Variants in GUCY1A2 observed in about 807,000 individuals in gnomAD.
GUCY1A2 encodes guanylate cyclase soluble subunit alpha-2.
Under a neutral mutation model 63.5 loss-of-function variants are expected in GUCY1A2, and 27 were observed. The ratio of observed to expected loss-of-function variants is 0.43; its 90% CI spans 0.31 to 0.59. GUCY1A2 has a LOEUF of 0.59. GUCY1A2 is among the 20% of genes least tolerant of loss of function. The probability of loss-of-function intolerance (pLI) is 0.11; values close to 1 mark genes in which losing one functional copy is unlikely to be tolerated. For missense variants in GUCY1A2, 768 were observed against 913.3 expected, an observed-to-expected ratio of 0.84 and a Z score of 2.05; for synonymous variants, 364 against 343.5, an observed-to-expected ratio of 1.06 and a Z score of -0.66.
Position 106,725,408 on chromosome 11 carries a change from G to A in GUCY1A2, c.1837-16742C>T, listed in dbSNP as rs1165504926. On this transcript the variant is annotated intron_variant, in intron 6 of 7. Coordinates refer to ENST00000526355, the MANE Select transcript of GUCY1A2 (RefSeq NM_000855.3). ...GGGATGGTCTCGATCTCCTGACCTC[G>A]TGATCCGCCCGCCTCGGCCTCCCAA... is the stretch of plus-strand genomic sequence containing the variant. Among the ~76,000 whole-genome samples, 2 of 47,198 alleles carry A rather than the reference G, an allele frequency of 4.2e-5. 1 individual carries two copies. Among genetic ancestry groups the A allele is most frequent in the Non-Finnish European group, 1.0e-4 (2 of 19,812 alleles). 31.0% of individuals were successfully genotyped at this position (47,198 alleles called of 152,430 possible). A position where few individuals can be genotyped will look rare whatever the true frequency, so the allele number is the denominator to read the frequency against.
Position 106,686,493 on chromosome 11 carries a change from C to T in GUCY1A2, c.*1056G>A, listed in dbSNP as rs1862528306. The T allele has an allele frequency of 4.6e-6, 1 of 216,264 alleles. No homozygotes were observed. Among genetic ancestry groups the T allele is most frequent in the African/African-American group, 2.3e-5 (1 of 44,406 alleles). The allele number at this position is 216,264 out of a possible 1,614,324, so 13.4% of individuals were successfully genotyped here. On this transcript the variant is annotated 3_prime_UTR_variant, in exon 8 of 8. Coordinates refer to ENST00000526355, the MANE Select transcript of GUCY1A2 (RefSeq NM_000855.3). ...TCCTGACACTTCTTTGTCACTAATG[C>T]CAGTATCCAGGAATTTGTTCTCAAG...
chr11:106,866,497 G>A (rs767220401), intron 4 of GUCY1A2, among the ~76,000 whole-genome samples: 1 of 152,064 alleles, frequency 6.6e-6, no homozygotes, highest in Non-Finnish European at 1.5e-5. Context: ...GAACTATTCT[G>A]TGCTCAGGCA....
chr11:106,981,923 G>T (rs1258849999), intron 2 of GUCY1A2, among the ~76,000 whole-genome samples: 1 of 152,098 alleles, frequency 6.6e-6, no homozygotes, highest in Admixed American at 6.5e-5. Context: ...AAGTTGAATT[G>T]CAAAAGAGTC....
At chr11:106,841,587 C>A (rs981752550) in intron 4 of GUCY1A2, among the ~76,000 whole-genome samples, 1 of 151,868 alleles carries the variant, frequency 6.6e-6, no homozygotes, top group Non-Finnish European at 1.5e-5. Context: ...GATCATAGTT[C>A]TCTGAGGGAG....
chr11:107,003,266 A>T (rs1861632275), intron 1 of GUCY1A2, among the ~76,000 whole-genome samples: 2 of 152,162 alleles, frequency 1.3e-5, no homozygotes, highest in African/African-American at 4.8e-5. Flanking sequence ...TTCTAAGGCC[A>T]CTAGCAACCT....
intron 1 of GUCY1A2, among the ~76,000 whole-genome samples, chr11:106,990,700 A>T (rs901014884): frequency 1.3e-5 from 2 of 152,246 alleles, no homozygotes; most frequent in African/African-American, 4.8e-5. Context: ...GAGGTTAAGC[A>T]AGTGTCACAA....
chr11:106,852,117 T>G (rs886463054), intron 4 of GUCY1A2, among the ~76,000 whole-genome samples: 1 of 151,986 alleles, frequency 6.6e-6, no homozygotes, highest in African/African-American at 2.4e-5. Context: ...GTAAATGGCA[T>G]AGTTTTCTTG....
chr11:106,722,426 G>T lies in GUCY1A2; in HGVS notation c.1837-13760C>A, dbSNP rs79457615. ...AAGAAAAAAAAATCTTGGTAGTGGGGTCTAAAATCACTACTGAAAATTCAA... is the reference window on the plus strand; with the variant it reads ...AAGAAAAAAAAATCTTGGTAGTGGGTTCTAAAATCACTACTGAAAATTCAA... On this transcript the variant is annotated intron_variant, in intron 6 of 7. Coordinates refer to ENST00000526355, the MANE Select transcript of GUCY1A2 (RefSeq NM_000855.3). Among the ~76,000 whole-genome samples the T allele has an allele frequency of 6.3e-3, 962 of 152,040 alleles. 15 individuals carry two copies. The highest frequency in any genetic ancestry group is 0.021 in the African/African-American group (886 of 41,460).
At position 106,679,346 on chromosome 11, in the gene GUCY1A2, C is replaced by G. The variant is rs980825500; in HGVS notation, c.*8203G>C. 6 of 192,256 alleles carry G rather than the reference C, an allele frequency of 3.1e-5. No homozygotes were observed. Among genetic ancestry groups the G allele is most frequent in the African/African-American group, 4.7e-5 (2 of 42,986 alleles). The allele number at this position is 192,256 out of a possible 1,614,324, so 11.9% of individuals were successfully genotyped here. On this transcript the variant is annotated 3_prime_UTR_variant, in exon 8 of 8. Transcript: ENST00000526355. ...TGATTCTCTCTCCAGCTCAAATACTCTGGCACATTCTGTAAGAGACAGATG... is the reference window on the plus strand; with the variant it reads ...TGATTCTCTCTCCAGCTCAAATACTGTGGCACATTCTGTAAGAGACAGATG...
Position 106,939,683 on chromosome 11 carries a change from G to A in GUCY1A2, c.983C>T (p.Pro328Leu), listed in dbSNP as rs1199223871. Residue 328 changes from proline to leucine, a missense_variant, in exon 4 of 8, where the codon CCT becomes CTT. By Grantham distance (98) the Pro-to-Leu change is moderately conservative. This residue lies in a region of GUCY1A2 where 496 missense variants were observed against 486.9 expected (regional missense o/e 1.02). Coordinates refer to ENST00000526355, the MANE Select transcript of GUCY1A2 (RefSeq NM_000855.3). Reference sequence around the variant, plus strand: ...GCTGGGATCAAACATCAAGTGGAAAGGGAAGGCTCTACAGAAGGTGTTGAT... The same window carrying A: ...GCTGGGATCAAACATCAAGTGGAAAAGGAAGGCTCTACAGAAGGTGTTGAT... Reference protein sequence around the residue: ...ISINTFCRAFPFHLMFDPSMS... With the variant: ...ISINTFCRAFLFHLMFDPSMS... 1.9e-6 allele frequency: 3 copies of A among 1,613,940 alleles called. No individual in the cohort carries two copies. Among genetic ancestry groups the A allele is most frequent in the Non-Finnish European group, 2.5e-6 (3 of 1,179,866 alleles).
intron 6 of GUCY1A2, among the ~76,000 whole-genome samples, chr11:106,709,549 T>A: frequency 2.0e-5 from 1 of 51,260 alleles, no homozygotes; most frequent in Admixed American, 3.1e-4. Context: ...TATTATATTA[T>A]TATATAAATA....
At position 106,699,490 on chromosome 11, in the gene GUCY1A2, ATTCT is replaced by A. The variant is rs1862779946; in HGVS notation, c.1991+9018_1991+9021del. ...ATCACAGTATTTATACTTCAAGGAA[ATTCT>A]TTCTGTGTGTGAAATTAACAGATGT... is the stretch of plus-strand genomic sequence containing the variant. On this transcript the variant is annotated intron_variant, in intron 7 of 7. Coordinates refer to ENST00000526355, the MANE Select transcript of GUCY1A2 (RefSeq NM_000855.3). Among the ~76,000 whole-genome samples the A allele has an allele frequency of 2.0e-5, 3 of 152,182 alleles. No individual in the cohort carries two copies. The South Asian group carries it at 6.2e-4, about 31-fold the overall frequency.
chr11:106,733,195 G>T (rs776006038), intron 6 of GUCY1A2, among the ~76,000 whole-genome samples: 5 of 144,570 alleles, frequency 3.5e-5, no homozygotes, highest in Non-Finnish European at 7.7e-5. Flanking sequence ...GAGTTGTAAG[G>T]CTAGGAGTTT....
Position 106,966,024 on chromosome 11 carries a change from A to C in GUCY1A2, c.487+12595T>G, listed in dbSNP as rs147772730. Among the ~76,000 whole-genome samples, 400 of 152,290 alleles carry C rather than the reference A, an allele frequency of 2.6e-3. 1 individual carries two copies. The highest frequency in any genetic ancestry group is 9.2e-3 in the African/African-American group (384 of 41,574). ...CATATAGAAATCCTATGAGTTGCTT[A>C]AATGGATTTAAGAATATTATCGTTA... On this transcript the variant is annotated intron_variant, in intron 3 of 7. Transcript: ENST00000526355.
chr11:106,998,151 A>T (rs1861565518), intron 1 of GUCY1A2, among the ~76,000 whole-genome samples: 1 of 152,140 alleles, frequency 6.6e-6, no homozygotes, highest in Non-Finnish European at 1.5e-5. Flanking sequence ...GTTGTGGGGG[A>T]CATTTTCGAA....
chr11:106,986,544 C>A (rs1162033517), intron 1 of GUCY1A2, among the ~76,000 whole-genome samples: 1 of 152,106 alleles, frequency 6.6e-6, no homozygotes, highest in Non-Finnish European at 1.5e-5. Flanking sequence ...TCAAATGGCA[C>A]GTCTTCATAT....
chr11:106,972,949 G>C (rs1861215018), intron 3 of GUCY1A2, among the ~76,000 whole-genome samples: 1 of 152,064 alleles, frequency 6.6e-6, no homozygotes, highest in African/African-American at 2.4e-5. Context: ...AAACTGACTT[G>C]TATAACTTAA....
intron 5 of GUCY1A2, among the ~76,000 whole-genome samples, chr11:106,800,448 T>C (rs531960812): frequency 3.0e-4 from 45 of 152,308 alleles, no homozygotes; most frequent in Admixed American, 1.3e-3. Context: ...CATATGTTCA[T>C]TGCGGCACTA....
intron 6 of GUCY1A2, among the ~76,000 whole-genome samples, chr11:106,760,209 G>A (rs7112735): frequency 0.19 from 28,530 of 152,050 alleles, 3,833 homozygotes; most frequent in African/African-American, 0.39. Flanking sequence ...GTTATGTCAG[G>A]CACAGAAAAC....
Sources: allele counts gnomAD v4.1 joint callset (sites outside exome capture counted in the v4.1 genomes callset), GRCh38; gene constraint gnomAD v4.1.1; regional missense constraint gnomAD v4.1.1; transcripts MANE v1.5; gene names NCBI Gene and HGNC (gene_info 2026-07-23, HGNC 2026-07-21).